Variants in UBASH3B observed in about 807,000 individuals in gnomAD.
UBASH3B encodes the protein ubiquitin-associated and SH3 domain-containing protein B.
UBASH3B carries 37 observed loss-of-function variants against 83.4 expected under a neutral mutation model. That is an observed-to-expected ratio of 0.44 (90% CI 0.34 to 0.58). The LOEUF is 0.58. Among genes scored for constraint, UBASH3B ranks in the 20% least tolerant of loss-of-function variants. UBASH3B has a pLI of 0.01. For synonymous variants in UBASH3B, 304 were observed against 318.3 expected, an observed-to-expected ratio of 0.96 and a Z score of 0.48; for missense variants, 657 against 827.2, an observed-to-expected ratio of 0.79 and a Z score of 2.52.
chr11:122,671,267 T>C (rs1479675039), intron 1 of UBASH3B, among the ~76,000 whole-genome samples: 1 of 152,024 alleles, frequency 6.6e-6, no homozygotes, highest in Non-Finnish European at 1.5e-5. Context: ...GGCTCACGCC[T>C]ATAATCCCAG....
At position 122,806,395 on chromosome 11, in the gene UBASH3B, A is replaced by T. The variant is rs973666104; in HGVS notation, c.1596-15A>T. 8 of 1,585,600 alleles carry T rather than the reference A, an allele frequency of 5.0e-6. No homozygotes were observed. In the Admixed American group the frequency reaches 9.4e-5, roughly 19 times the overall value. On this transcript the variant is annotated splice_polypyrimidine_tract_variant and intron_variant, in intron 11 of 13. Transcript: ENST00000284273. This position sits in a 1 kb window ranked among gnomAD's most constrained non-coding sequence, Gnocchi z 4.0. ...CAAAATGTTTTCATTTCCTTTGTTC[A>T]TTTTTCTATTACAGACCTCACATTC... is the stretch of plus-strand genomic sequence containing the variant.
intron 1 of UBASH3B, among the ~76,000 whole-genome samples, chr11:122,666,481 C>T (rs1297202615): frequency 6.6e-6 from 1 of 151,744 alleles, no homozygotes. Flanking sequence ...TGCAATGGCA[C>T]GATCTCGGCT....
At chr11:122,748,990 T>C (rs1051398441) in intron 1 of UBASH3B, among the ~76,000 whole-genome samples, 5 of 152,184 alleles carry the variant, frequency 3.3e-5, no homozygotes, top group Admixed American at 6.5e-5. Context: ...ATGGAGAATG[T>C]TTTCATGGCC....
At chr11:122,794,505 A>G (rs1398673017) in intron 6 of UBASH3B, among the ~76,000 whole-genome samples, 197 bp from the exon 7 acceptor site, 1 of 152,090 alleles carries the variant, frequency 6.6e-6, no homozygotes, top group Non-Finnish European at 1.5e-5. Context: ...CCTACCTCTA[A>G]TTTATTAACT....
chr11:122,720,167 C>G lies in UBASH3B; in HGVS notation c.162-56052C>G, dbSNP rs7945772. Among the ~76,000 whole-genome samples the G allele has an allele frequency of 6.8e-3, 1,041 of 152,336 alleles. 12 individuals carry two copies. Among genetic ancestry groups the G allele is most frequent in the African/African-American group, 0.02 (816 of 41,566 alleles). ...TCTCTCCCATTTTCCAGACTCCGTA[C>G]TCAGCATCTCCTATGGATGTCAAAT... On this transcript the variant is annotated intron_variant, in intron 1 of 13. Transcript: ENST00000284273.
intron 1 of UBASH3B, among the ~76,000 whole-genome samples, chr11:122,686,593 T>A (rs1159477838): frequency 6.6e-6 from 1 of 152,150 alleles, no homozygotes; most frequent in African/African-American, 2.4e-5. Flanking sequence ...GGCCGTGGTG[T>A]GCAGGGAAAG....
intron 1 of UBASH3B, among the ~76,000 whole-genome samples, chr11:122,663,910 G>A (rs1863480959): frequency 6.6e-6 from 1 of 152,204 alleles, no homozygotes; most frequent in Non-Finnish European, 1.5e-5. Flanking sequence ...CTTTGTGAGA[G>A]AAGGGTGCCA....
intron 1 of UBASH3B, among the ~76,000 whole-genome samples, chr11:122,731,364 C>G (rs937351516): frequency 5.9e-5 from 9 of 152,146 alleles, no homozygotes; most frequent in African/African-American, 2.2e-4. Flanking sequence ...TGAGAACTTT[C>G]ACCTTTTCAC....
intron 1 of UBASH3B, among the ~76,000 whole-genome samples, chr11:122,719,602 C>T (rs992306980): frequency 6.6e-6 from 1 of 152,154 alleles, no homozygotes; most frequent in African/African-American, 2.4e-5. Context: ...TAATAATCAG[C>T]CTTAGTAGCT....
At chr11:122,672,623 G>C (rs1041879511) in intron 1 of UBASH3B, among the ~76,000 whole-genome samples, 3 of 152,146 alleles carry the variant, frequency 2.0e-5, no homozygotes, top group Admixed American at 6.6e-5. Context: ...ACAGTGCCCG[G>C]CCTATTTTGT....
At chr11:122,690,200 A>ATCCAAT (rs1270129339) in intron 1 of UBASH3B, among the ~76,000 whole-genome samples, 329 of 29,068 alleles carry the variant, frequency 0.011, 5 homozygotes, top group African/African-American at 0.032. Context: ...ATATATATAT[A>ATCCAAT]TATATATATC....
intron 1 of UBASH3B, among the ~76,000 whole-genome samples, chr11:122,769,932 C>A (rs1232685110): frequency 6.6e-6 from 1 of 152,138 alleles, no homozygotes; most frequent in African/African-American, 2.4e-5. Context: ...CAAGTGGTAT[C>A]CAGGAGGTTG....
intron 1 of UBASH3B, among the ~76,000 whole-genome samples, chr11:122,699,540 T>TCTTTCTTC (rs1363960629): frequency 3.5e-5 from 4 of 114,740 alleles, no homozygotes; most frequent in Non-Finnish European, 5.9e-5. Flanking sequence ...TCTCTTTCTT[T>TCTTTCTTC]CTTTCTTTCT....
At chr11:122,703,344 T>C (rs945345620) in intron 1 of UBASH3B, among the ~76,000 whole-genome samples, 11 of 152,002 alleles carry the variant, frequency 7.2e-5, no homozygotes, top group African/African-American at 2.4e-4. Context: ...GGAGAATCGC[T>C]TGAACCCAGG....
At chr11:122,745,295 A>G (rs1343159761) in intron 1 of UBASH3B, among the ~76,000 whole-genome samples, 2 of 152,204 alleles carry the variant, frequency 1.3e-5, no homozygotes, top group Non-Finnish European at 1.5e-5. Context: ...CGTCTAGTCC[A>G]TTTTCCTATT....
At position 122,741,914 on chromosome 11, in the gene UBASH3B, G is replaced by C. The variant is rs112039195; in HGVS notation, c.162-34305G>C. Reference sequence around the variant, plus strand: ...ACTCAACCCCAAGCAGTCCAACCCCGCTAGGAGGACTCCCCTCTCCTTTTG... The same window carrying C: ...ACTCAACCCCAAGCAGTCCAACCCCCCTAGGAGGACTCCCCTCTCCTTTTG... On this transcript the variant is annotated intron_variant, in intron 1 of 13. Transcript: ENST00000284273. 6.6e-3 allele frequency among the ~76,000 whole-genome samples: 999 copies of C among 152,208 alleles called. 9 individuals carry two copies. Among genetic ancestry groups the C allele is most frequent in the African/African-American group, 0.023 (974 of 41,526 alleles).
chr11:122,770,759 A>AT (rs1860628576), intron 1 of UBASH3B, among the ~76,000 whole-genome samples: 1 of 9,652 alleles, frequency 1.0e-4, no homozygotes, highest in Admixed American at 7.4e-4. Flanking sequence ...TCCACCACCC[A>AT]CTAAATATTC....
intron 1 of UBASH3B, among the ~76,000 whole-genome samples, chr11:122,670,768 T>C (rs1239687369): frequency 1.3e-5 from 2 of 152,118 alleles, no homozygotes; most frequent in African/African-American, 4.8e-5. Flanking sequence ...TATTTATTTA[T>C]TCATTTATTT....
At chr11:122,725,901 C>T (rs151224753) in intron 1 of UBASH3B, among the ~76,000 whole-genome samples, 2,311 of 152,136 alleles carry the variant, frequency 0.015, 60 homozygotes, top group African/African-American at 0.052. Flanking sequence ...ACCATGTTGG[C>T]GAGGCTGGTC....
Sources: gnomAD v4.1 joint callset for allele counts (sites outside exome capture counted in the v4.1 genomes callset) on GRCh38, gnomAD v4.1.1 for gene constraint, Gnocchi (gnomAD v3.1) non-coding constraint, MANE v1.5 for transcripts, NCBI Gene and HGNC (gene_info 2026-07-23, HGNC 2026-07-21) for gene names.